The following SLC12A2 variants were observed in gnomAD, a reference collection of about 807,000 sequenced individuals.
The protein encoded by SLC12A2 is solute carrier family 12 member 2, also known as Na-K-2Cl cotransporter 1.
In SLC12A2, 67 loss-of-function variants were observed where a neutral mutation model predicts 136.3. That is an observed-to-expected ratio of 0.49 (90% CI 0.40 to 0.60). The LOEUF is 0.60. Among genes scored for constraint, SLC12A2 ranks in the 20% least tolerant of loss-of-function variants. The pLI, the probability that SLC12A2 is intolerant of heterozygous loss-of-function variation, is 0.00. For synonymous variants in SLC12A2, 619 were observed against 562.9 expected (o/e 1.10, Z -1.41); for missense variants, 1,322 against 1,534.7 (o/e 0.86, Z 2.32).
Position 128,152,874 on chromosome 5 carries a change from G to T in SLC12A2, c.2363+69G>T, listed in dbSNP as rs558821879. Reference sequence around the variant, plus strand: ...GGCCAGTCAGTTCTTATTTTTCATTGACATTTTCATGTACATTTCACATTT... The same window carrying T: ...GGCCAGTCAGTTCTTATTTTTCATTTACATTTTCATGTACATTTCACATTT... On this transcript the variant is annotated intron_variant, in intron 15 of 26. Coordinates refer to ENST00000262461, the MANE Select transcript of SLC12A2 (RefSeq NM_001046.3). The T allele has an allele frequency of 5.3e-6, 5 of 946,442 alleles. No homozygotes were observed. The African/African-American group carries it at 6.4e-5, about 12-fold the overall frequency. 58.6% of individuals were successfully genotyped at this position (946,442 alleles called of 1,614,324 possible). A position where few individuals can be genotyped will look rare whatever the true frequency, so the allele number is the denominator to read the frequency against.
intron 9 of SLC12A2, among the ~76,000 whole-genome samples, chr5:128,139,462 G>A (rs945878979): frequency 2.6e-5 from 4 of 152,102 alleles, no homozygotes; most frequent in African/African-American, 9.7e-5. Context: ...TGGGATCATG[G>A]ATCAACTTCA....
intron 1 of SLC12A2, among the ~76,000 whole-genome samples, chr5:128,109,141 TTTAA>T (rs1276372098): frequency 6.6e-6 from 1 of 152,262 alleles, no homozygotes; most frequent in Admixed American, 6.5e-5. Context: ...TAATTAAAAA[TTTAA>T]TTATTTTTCT....
chr5:128,136,340 C>T (rs1030453610), intron 7 of SLC12A2, among the ~76,000 whole-genome samples: 4 of 152,124 alleles, frequency 2.6e-5, no homozygotes, highest in African/African-American at 7.2e-5. Context: ...CAGTCCAGCA[C>T]ATTTGGAGGG....
chr5:128,122,376 A>C (rs760031553), intron 4 of SLC12A2, among the ~76,000 whole-genome samples: 2 of 152,236 alleles, frequency 1.3e-5, no homozygotes, highest in African/African-American at 2.4e-5. Flanking sequence ...TGGAGTTTAC[A>C]TTGAGGTAAT....
intron 13 of SLC12A2, among the ~76,000 whole-genome samples, chr5:128,150,509 A>G (rs1762667813): frequency 6.6e-6 from 1 of 151,888 alleles, no homozygotes; most frequent in South Asian, 2.1e-4. Flanking sequence ...AAGGAACAAA[A>G]GCATTGTTCC....
chr5:128,114,440 T>C, intron 3 of SLC12A2, 146 bp from the exon 4 acceptor site: 1 of 820,816 alleles, frequency 1.2e-6, no homozygotes, highest in Non-Finnish European at 2.0e-6. Context: ...TTCATAATTC[T>C]GATTTGGTTT....
intron 10 of SLC12A2, 40 bp downstream of exon 10, chr5:128,142,021 A>G: frequency 1.3e-6 from 2 of 1,542,138 alleles, no homozygotes; most frequent in Non-Finnish European, 1.8e-6. Context: ...TTCTGTATTT[A>G]TCTAGGGGTG....
Position 128,167,641 on chromosome 5 carries a change from G to T in SLC12A2, c.2617-120G>T. On this transcript the variant is annotated intron_variant, in intron 17 of 26. Transcript: ENST00000262461. ...TAAGTAAATATGAATATGGAATGCT[G>T]AAGAATTTTTGTTAAGAGTGTCTAT... 3 of 585,164 alleles carry T rather than the reference G, an allele frequency of 5.1e-6. No individual in the cohort carries two copies. In the East Asian group the frequency reaches 9.7e-5, roughly 19 times the overall value. 36.2% of individuals were successfully genotyped at this position (585,164 alleles called of 1,614,324 possible). A position where few individuals can be genotyped will look rare whatever the true frequency, so the allele number is the denominator to read the frequency against.
At chr5:128,156,808 G>A (rs551782797) in intron 15 of SLC12A2, among the ~76,000 whole-genome samples, 16 of 152,224 alleles carry the variant, frequency 1.1e-4, no homozygotes, top group African/African-American at 3.4e-4. Context: ...TAGCTTTCTG[G>A]AAAGGGGGAA....
intron 7 of SLC12A2, among the ~76,000 whole-genome samples, chr5:128,138,139 G>A (rs1037763505): frequency 3.9e-5 from 6 of 151,996 alleles, no homozygotes; most frequent in Admixed American, 3.3e-4. Context: ...GGTCTTCCTT[G>A]TGTTGCCCAG....
rs990006995 is a variant in SLC12A2 at position 128,189,160 on chromosome 5, A to C, written c.*2529A>C. ...CCAGGTCGAAAATTTTCAAGGTTAT[A>C]GTACTTATTTCAACAATTCTTAGAG... is the stretch of plus-strand genomic sequence containing the variant. On this transcript the variant is annotated 3_prime_UTR_variant, in exon 27 of 27. Transcript: ENST00000262461. 1 of 152,194 alleles carries C rather than the reference A, an allele frequency of 6.6e-6. No homozygotes were observed. Among genetic ancestry groups the C allele is most frequent in the African/African-American group, 2.4e-5 (1 of 41,446 alleles). 9.4% of individuals were successfully genotyped at this position (152,194 alleles called of 1,614,324 possible).
rs746611648 is a variant in SLC12A2, at chr5:128,161,696, G to A, written c.2512G>A (p.Asp838Asn). The A allele has an allele frequency of 1.9e-5, 29 of 1,495,140 alleles. No individual in the cohort carries two copies. The highest frequency in any genetic ancestry group is 2.6e-5 in the Non-Finnish European group (29 of 1,122,802). The allele number at this position is 1,495,140 out of a possible 1,614,324, so 92.6% of individuals were successfully genotyped here. The part of the protein sequence containing the change: ...RRQAMKEMSI[D>N]QAKYQRWLIK... ...ACAAGCCATGAAAGAGATGTCCATC[G>A]ATCAAGCCAAATATCAGCGATGGCT... is the stretch of plus-strand genomic sequence containing the variant. The change falls in exon 17 of 27, where the codon GAT becomes AAT. Residue 838 changes from aspartate to asparagine, a missense_variant. This residue lies in a region of SLC12A2 where 294 missense variants were observed against 436.6 expected (regional missense o/e 0.67). Transcript: ENST00000262461.
Position 128,138,830 on chromosome 5 carries a change from C to T in SLC12A2, c.1543C>T (p.Gln515Ter). Residue 515 changes from glutamine (Q) to a stop codon, truncating the protein, a stop_gained, in exon 9 of 27, where the codon CAG (glutamine) becomes TAG (stop). Coordinates refer to ENST00000262461, the MANE Select transcript of SLC12A2 (RefSeq NM_001046.3). LOFTEE classifies it high-confidence loss of function. ...AAATCTTCTTGTCTTCTAGGATCCT[C>T]AGTCAGCCATACCCAAAGGAACACT... The part of the protein sequence containing the change: ...ANISGDLADP[Q>*]SAIPKGTLLA... 1.2e-6 allele frequency: 2 copies of T among 1,611,784 alleles called. No homozygotes were observed. The highest frequency in any genetic ancestry group is 8.5e-7 in the Non-Finnish European group (1 of 1,178,952).
intron 16 of SLC12A2, 52 bp from the exon 17 acceptor site, chr5:128,161,608 G>C: frequency 7.9e-6 from 9 of 1,139,240 alleles, no homozygotes; most frequent in Non-Finnish European, 1.0e-5. Flanking sequence ...TTGTATAAAT[G>C]TGAAGTTGCT....
Position 128,110,814 on chromosome 5 carries a change from T to C in SLC12A2, c.757-2000T>C, listed in dbSNP as rs920169425. 6.1e-6 allele frequency: 9 copies of C among 1,479,278 alleles called. No individual in the cohort carries two copies. In the Admixed American group the frequency reaches 1.2e-4, roughly 19 times the overall value. 91.6% of individuals were successfully genotyped at this position (1,479,278 alleles called of 1,614,324 possible). Reference sequence around the variant, plus strand: ...AGATAGCAAAAGCAGGACAAGAATTTGCAAGAAATAATCTCATGGATGATG... The same window carrying C: ...AGATAGCAAAAGCAGGACAAGAATTCGCAAGAAATAATCTCATGGATGATG... On this transcript the variant is annotated intron_variant, in intron 1 of 26. Coordinates refer to ENST00000262461, the MANE Select transcript of SLC12A2 (RefSeq NM_001046.3).
chr5:128,141,920 A>G lies in SLC12A2; in HGVS notation c.1712A>G (p.Asn571Ser), dbSNP rs766453932. The part of the protein sequence containing the change: ...TNCTSAACKL[N>S]FDFSSCESSP... ...TGTACTTCTGCAGCCTGCAAATTAA[A>G]CTTTGATTTTTCATCTTGTGAAAGC... Residue 571 changes from asparagine to serine, a missense_variant, in exon 10 of 27, where the codon AAC becomes AGC. Coordinates refer to ENST00000262461, the MANE Select transcript of SLC12A2 (RefSeq NM_001046.3). The G allele has an allele frequency of 6.2e-7, 1 of 1,613,968 alleles. No homozygotes were observed. Among genetic ancestry groups the G allele is most frequent in the South Asian group, 1.1e-5 (1 of 91,076 alleles).
At chr5:128,184,029 A>T (rs1264754521) in intron 24 of SLC12A2, among the ~76,000 whole-genome samples, 1 of 151,994 alleles carries the variant, frequency 6.6e-6, no homozygotes, top group Non-Finnish European at 1.5e-5. Context: ...AGCATTCCTA[A>T]TCCAAAAATC....
intron 16 of SLC12A2, among the ~76,000 whole-genome samples, chr5:128,159,751 A>G (rs1412226242): frequency 6.6e-6 from 1 of 152,204 alleles, no homozygotes; most frequent in Non-Finnish European, 1.5e-5. Context: ...GATGCTGGCA[A>G]GGATGTGGAG....
intron 4 of SLC12A2, among the ~76,000 whole-genome samples, chr5:128,116,211 T>C (rs1378857083): frequency 6.6e-6 from 1 of 152,128 alleles, no homozygotes; most frequent in Non-Finnish European, 1.5e-5. Context: ...GAATCTAGGC[T>C]GTGAGCCTCA....
Sources: allele counts gnomAD v4.1 joint callset (sites outside exome capture counted in the v4.1 genomes callset), GRCh38; gene constraint gnomAD v4.1.1; regional missense constraint gnomAD v4.1.1; transcripts MANE v1.5; gene names NCBI Gene and HGNC (gene_info 2026-07-23, HGNC 2026-07-21).